Variants in SEMA3F observed in about 807,000 individuals in gnomAD.
SEMA3F encodes the protein semaphorin-3F.
A neutral mutation model predicts 98.5 loss-of-function variants in SEMA3F; 30 were observed. The observed-to-expected ratio is 0.30, with a 90% CI of 0.23 to 0.41. The LOEUF is 0.41. Ranked by LOEUF, SEMA3F falls within the 10% of genes least tolerant of loss-of-function variation. The pLI is 1.00. For missense variants in SEMA3F, 866 were observed against 1,119.3 expected (o/e 0.77, Z 3.23); for synonymous variants, 380 against 444.8 (o/e 0.85, Z 1.83).
chr3:50,178,573 T>G (rs781137950), intron 7 of SEMA3F, among the ~76,000 whole-genome samples: 13 of 151,158 alleles, frequency 8.6e-5, no homozygotes, highest in Non-Finnish European at 1.8e-4. Context: ...AATACAAAAA[T>G]TAGCCAGGTG....
At chr3:50,183,284 C>T (rs766499659) in intron 11 of SEMA3F, 29 bp downstream of exon 11, 19 of 1,611,348 alleles carry the variant, frequency 1.2e-5, no homozygotes, top group Non-Finnish European at 1.5e-5. Context: ...CCAGCAGTGG[C>T]AGGGAGTGGC....
chr3:50,182,484 A>T lies in SEMA3F; in HGVS notation c.763+81A>T. On this transcript the variant is annotated intron_variant, in intron 8 of 18. Coordinates refer to ENST00000002829, the MANE Select transcript of SEMA3F (RefSeq NM_004186.5). This position sits in a 1 kb window ranked among gnomAD's most constrained non-coding sequence, Gnocchi z 4.5. ...GGTCGTAAAGAAGCACATGTGGGGGAAGTGGGGACATGTTTAGCCTATGAC... is the reference window on the plus strand; with the variant it reads ...GGTCGTAAAGAAGCACATGTGGGGGTAGTGGGGACATGTTTAGCCTATGAC... 4.4e-6 allele frequency: 7 copies of T among 1,595,822 alleles called. No individual in the cohort carries two copies. The Middle Eastern group carries it at 5.5e-4, about 126-fold the overall frequency.
rs771037799 is a variant in SEMA3F, at chr3:50,182,866, A to G, written c.904-38A>G. On this transcript the variant is annotated intron_variant, in intron 9 of 18. Transcript: ENST00000002829. This position sits in a 1 kb window ranked among gnomAD's most constrained non-coding sequence, Gnocchi z 4.5. ...CTGCTCCAGCCAGGGCTTGGGGTCA[A>G]GAGCTGATCTGACCCGGCCTCTTGC... The G allele has an allele frequency of 3.1e-6, 5 of 1,610,792 alleles. No individual in the cohort carries two copies. Among genetic ancestry groups the G allele is most frequent in the Non-Finnish European group, 3.4e-6 (4 of 1,177,680 alleles).
Position 50,176,869 on chromosome 3 carries a change from C to A in SEMA3F, c.643+8C>A. On this transcript the variant is annotated splice_region_variant and intron_variant, in intron 7 of 18. Transcript: ENST00000002829. ...CAGCATCGGCCCTCATCAGTGAGTG[C>A]CCCCCAACCCCGCTCTACAGTCTCA... The A allele has an allele frequency of 1.2e-6, 2 of 1,603,282 alleles. No individual in the cohort carries two copies. The highest frequency in any genetic ancestry group is 1.7e-6 in the Non-Finnish European group (2 of 1,170,822).
At position 50,159,626 on chromosome 3, in the gene SEMA3F, C is replaced by T. The variant is rs768584432; in HGVS notation, c.4C>T (p.Leu2Phe). 3.7e-6 allele frequency: 6 copies of T among 1,604,682 alleles called. No homozygotes were observed. In the East Asian group the frequency reaches 1.1e-4, roughly 30 times the overall value. Residue 2 changes from leucine to phenylalanine, a missense_variant, in exon 2 of 19, where the codon CTT becomes TTT. By Grantham distance (22) the Leu-to-Phe change is conservative (BLOSUM62 0). Coordinates refer to ENST00000002829, the MANE Select transcript of SEMA3F (RefSeq NM_004186.5). ...TGGGCCCTAGGCCCCTCCCACAATG[C>T]TTGTCGCCGGTCTTCTTCTCTGGGC... The part of the protein sequence containing the change: M[L>F]VAGLLLWASL...
rs941430976 is a variant in SEMA3F at position 50,156,424 on chromosome 3, A to T, written c.-49+860A>T. On this transcript the variant is annotated intron_variant, in intron 1 of 18. Coordinates refer to ENST00000002829, the MANE Select transcript of SEMA3F (RefSeq NM_004186.5). This position sits in a 1 kb window ranked among gnomAD's most constrained non-coding sequence, Gnocchi z 4.5. ...GAGATAGCTGTGTTTTGCCACCAGA[A>T]CATTACTGCTTGGGAGAGGTAAGGG... 6.6e-6 allele frequency among the ~76,000 whole-genome samples: 1 copy of T among 152,216 alleles called. No homozygotes were observed. Among genetic ancestry groups the T allele is most frequent in the African/African-American group, 2.4e-5 (1 of 41,456 alleles).
At chr3:50,170,776 C>T (rs1337512593) in intron 2 of SEMA3F, among the ~76,000 whole-genome samples, 2 of 152,094 alleles carry the variant, frequency 1.3e-5, no homozygotes, top group African/African-American at 2.4e-5. Context: ...CCCCACCATG[C>T]GCGACCTCCT....
At chr3:50,174,522 T>C (rs187696883) in intron 5 of SEMA3F, among the ~76,000 whole-genome samples, 172 bp downstream of exon 5, 209 of 152,386 alleles carry the variant, frequency 1.4e-3, no homozygotes, top group Middle Eastern at 0.01. Flanking sequence ...AAAATGGGGC[T>C]AACCGCTGCC....
At chr3:50,186,566 C>G (rs770867217) in intron 17 of SEMA3F, 47 bp from the exon 18 acceptor site, 29 of 1,563,306 alleles carry the variant, frequency 1.9e-5, no homozygotes, top group Non-Finnish European at 2.5e-5. Flanking sequence ...AGTCAGCAGG[C>G]TGCCCGGAGG....
At chr3:50,170,018 C>A (rs1698542083) in intron 2 of SEMA3F, among the ~76,000 whole-genome samples, 1 of 152,156 alleles carries the variant, frequency 6.6e-6, no homozygotes, top group Admixed American at 6.5e-5. Flanking sequence ...GGACAGGACA[C>A]CCTGTGACCT....
rs1466392997 is a variant in SEMA3F, at chr3:50,174,955, TAC to T, written c.457-136_457-135del. On this transcript the variant is annotated intron_variant, in intron 5 of 18. Coordinates refer to ENST00000002829, the MANE Select transcript of SEMA3F (RefSeq NM_004186.5). ...TGTGCCAAGCCTGTGTGTATGTATG[TAC>T]ACACGCATAGACGTGCTCTGGGGGG... The T allele has an allele frequency of 4.6e-6, 3 of 656,064 alleles. No individual in the cohort carries two copies. The Admixed American group carries it at 6.8e-5, about 15-fold the overall frequency. 40.6% of individuals were successfully genotyped at this position (656,064 alleles called of 1,614,324 possible).
chr3:50,186,880 T>C, intron 18 of SEMA3F, 134 bp downstream of exon 18: 2 of 979,538 alleles, frequency 2.0e-6, no homozygotes, highest in Non-Finnish European at 2.9e-6. Context: ...ATGCAAATCC[T>C]TTGAGTGAAA....
intron 7 of SEMA3F, among the ~76,000 whole-genome samples, chr3:50,177,107 C>A (rs577770584): frequency 1.3e-5 from 2 of 152,346 alleles, no homozygotes; most frequent in Non-Finnish European, 2.9e-5. Flanking sequence ...AAGCCAGGTC[C>A]TACCCTGAAA....
At chr3:50,175,325 C>T in intron 6 of SEMA3F, 137 bp downstream of exon 6, 1 of 650,910 alleles carries the variant, frequency 1.5e-6, no homozygotes, top group Admixed American at 2.4e-5. Context: ...ACCCCTTCCC[C>T]TGAAGAGCCC....
chr3:50,156,583 G>A lies in SEMA3F; in HGVS notation c.-49+1019G>A, dbSNP rs1318416091. On this transcript the variant is annotated intron_variant, in intron 1 of 18. Transcript: ENST00000002829. The surrounding 1 kb of genome is among the most constrained non-coding windows in gnomAD (Gnocchi z 4.5). ...AGAGAAGGGAAAACTGCACCCAGGG[G>A]TTGGGAGCCCCATCTCAGCCCAGGG... Among the ~76,000 whole-genome samples the A allele has an allele frequency of 1.3e-5, 2 of 152,198 alleles. No homozygotes were observed. The highest frequency in any genetic ancestry group is 2.9e-5 in the Non-Finnish European group (2 of 68,036).
chr3:50,161,120 GC>G (rs1698190787), intron 2 of SEMA3F, among the ~76,000 whole-genome samples: 2 of 152,202 alleles, frequency 1.3e-5, no homozygotes, highest in African/African-American at 4.8e-5. Context: ...GGGTCTGGCA[GC>G]GAGAGTAGAG....
intron 2 of SEMA3F, among the ~76,000 whole-genome samples, chr3:50,171,476 A>G (rs921038597): frequency 6.6e-6 from 1 of 151,978 alleles, no homozygotes; most frequent in Non-Finnish European, 1.5e-5. Flanking sequence ...CCGTGTCTGA[A>G]GGCGCCCACT....
intron 2 of SEMA3F, among the ~76,000 whole-genome samples, chr3:50,163,292 C>T (rs1175822221): frequency 6.6e-6 from 1 of 152,232 alleles, no homozygotes; most frequent in East Asian, 1.9e-4. Context: ...TGCTTATTTC[C>T]AGGCTATAAA....
At chr3:50,160,506 G>A (rs140789723) in intron 2 of SEMA3F, among the ~76,000 whole-genome samples, 109 of 152,344 alleles carry the variant, frequency 7.2e-4, no homozygotes, top group East Asian at 3.7e-3. Flanking sequence ...TGGCTCACTC[G>A]AGAGCCACTT....
Sources: allele counts gnomAD v4.1 joint callset (sites outside exome capture counted in the v4.1 genomes callset), GRCh38; gene constraint gnomAD v4.1.1; non-coding constraint Gnocchi (gnomAD v3.1); transcripts MANE v1.5; gene names NCBI Gene and HGNC (gene_info 2026-07-23, HGNC 2026-07-21).